MGLL: variants seen among roughly 807,000 people sequenced by gnomAD.
The protein encoded by MGLL is lysophospholipase homolog.
Under a neutral mutation model 29.1 loss-of-function variants are expected in MGLL, and 7 were observed. The observed-to-expected ratio is 0.24, with a 90% CI of 0.14 to 0.45. The LOEUF (loss-of-function observed/expected upper bound fraction) is 0.45. Among genes scored for constraint, MGLL ranks in the 20% least tolerant of loss-of-function variants. The pLI is 0.99. For missense variants in MGLL, 356 were observed against 413.6 expected (o/e 0.86, Z 1.21); for synonymous variants, 148 against 168.3 (o/e 0.88, Z 0.93).
chr3:127,746,710 G>A (rs1045781835), intron 3 of MGLL, among the ~76,000 whole-genome samples: 4 of 152,076 alleles, frequency 2.6e-5, no homozygotes, highest in African/African-American at 9.7e-5. Flanking sequence ...AGGCATGCAC[G>A]CCATCCTTCT....
intron 3 of MGLL, among the ~76,000 whole-genome samples, chr3:127,750,514 C>T (rs1039454738): frequency 6.6e-6 from 1 of 152,020 alleles, no homozygotes; most frequent in African/African-American, 2.4e-5. Flanking sequence ...TGGAGGAAAC[C>T]GAGAAAGCCC....
intron 3 of MGLL, among the ~76,000 whole-genome samples, chr3:127,760,587 C>T (rs2076746526): frequency 6.6e-6 from 1 of 152,208 alleles, no homozygotes; most frequent in Non-Finnish European, 1.5e-5. Flanking sequence ...GACTGCGCGT[C>T]GCAAGCTATT....
At chr3:127,712,617 C>A (rs1268869717) in intron 5 of MGLL, 1 of 152,298 alleles carries the variant, frequency 6.6e-6, no homozygotes, top group East Asian at 1.9e-4. Flanking sequence ...CTGCAGCCGC[C>A]ACTGTGCCAG....
intron 3 of MGLL, among the ~76,000 whole-genome samples, chr3:127,752,086 G>T (rs1034739319): frequency 6.7e-6 from 1 of 150,128 alleles, no homozygotes; most frequent in Non-Finnish European, 1.5e-5. Context: ...TCACACTCAT[G>T]TCTCAGCTCT....
intron 2 of MGLL, among the ~76,000 whole-genome samples, chr3:127,803,271 C>T (rs888274411): frequency 1.3e-5 from 2 of 152,040 alleles, no homozygotes; most frequent in African/African-American, 4.8e-5. Flanking sequence ...TGAGCCACCA[C>T]ACCTGGCACA....
intron 3 of MGLL, among the ~76,000 whole-genome samples, chr3:127,754,317 C>G (rs890732062): frequency 8.5e-5 from 13 of 152,054 alleles, no homozygotes; most frequent in African/African-American, 3.1e-4. Context: ...GGGAATCAGT[C>G]CTGCTGTCAC....
In MGLL at chr3:127,761,697, C is replaced by T. The variant is rs780571912; in HGVS notation, c.262+20092G>A. On this transcript the variant is annotated intron_variant, in intron 3 of 7. Transcript: ENST00000265052. This position sits in a 1 kb window ranked among gnomAD's most constrained non-coding sequence, Gnocchi z 4.6. Reference sequence around the variant, plus strand: ...GGGCTGGCGCACAGCCGGCCGTGGGCAGAGCTGGACTGCCACGCAGGCTGC... The same window carrying T: ...GGGCTGGCGCACAGCCGGCCGTGGGTAGAGCTGGACTGCCACGCAGGCTGC... Among the ~76,000 whole-genome samples the T allele has an allele frequency of 1.4e-4, 21 of 152,218 alleles. No individual in the cohort carries two copies. The highest frequency in any genetic ancestry group is 2.8e-4 in the Non-Finnish European group (19 of 68,044).
chr3:127,707,757 A>G (rs368472407), intron 6 of MGLL, among the ~76,000 whole-genome samples: 3 of 152,176 alleles, frequency 2.0e-5, no homozygotes, highest in Admixed American at 2.0e-4. Context: ...GAGACAATAA[A>G]AAGTCCTCTT....
intron 3 of MGLL, among the ~76,000 whole-genome samples, chr3:127,739,022 C>T (rs947952374): frequency 2.0e-5 from 3 of 152,196 alleles, no homozygotes; most frequent in Non-Finnish European, 4.4e-5. Context: ...ATTCAGGAGG[C>T]ACCAGGTGGA....
At chr3:127,818,359 A>G (rs2107761420) in intron 2 of MGLL, among the ~76,000 whole-genome samples, 1 of 151,916 alleles carries the variant, frequency 6.6e-6, no homozygotes. Flanking sequence ...TGTTTTCAGA[A>G]GGGATACCTA....
chr3:127,783,085 G>A (rs2077155627), intron 2 of MGLL, among the ~76,000 whole-genome samples: 1 of 123,616 alleles, frequency 8.1e-6, no homozygotes, highest in South Asian at 2.8e-4. Flanking sequence ...TGAGATTGCA[G>A]TTGAGCCAAG....
In MGLL at chr3:127,692,222, C is replaced by T. The variant is rs778271140; in HGVS notation, c.918G>A (p.Thr306=). The change falls in exon 8 of 8, where the codon ACG becomes ACA. Residue 306 remains threonine (T), a synonymous_variant. Coordinates refer to ENST00000265052, the MANE Select transcript of MGLL (RefSeq NM_007283.7). ...TTCAGGGTGGGGACGCAGTTCCTGCCGTGGCTGTCCTTTGAGAGACCCACA... is the reference window on the plus strand; with the variant it reads ...TTCAGGGTGGGGACGCAGTTCCTGCTGTGGCTGTCCTTTGAGAGACCCACA... ...INMWVSQRTA[T]AGTASPP 47 of 1,613,676 alleles carry T rather than the reference C, an allele frequency of 2.9e-5. No homozygotes were observed. The highest frequency in any genetic ancestry group is 3.3e-4 in the Middle Eastern group (2 of 6,084).
intron 3 of MGLL, among the ~76,000 whole-genome samples, chr3:127,732,877 C>T (rs1410775656): frequency 6.6e-6 from 1 of 152,154 alleles, no homozygotes. Context: ...ATGACTGGGT[C>T]TCAGGAGGTT....
At chr3:127,821,056 C>A (rs2077850833) in intron 2 of MGLL, among the ~76,000 whole-genome samples, 1 of 152,190 alleles carries the variant, frequency 6.6e-6, no homozygotes, top group South Asian at 2.1e-4. Flanking sequence ...CAAATAAATT[C>A]TTTTTCCAAA....
chr3:127,809,220 T>C (rs917653796), intron 2 of MGLL, among the ~76,000 whole-genome samples: 1 of 152,152 alleles, frequency 6.6e-6, no homozygotes, highest in Non-Finnish European at 1.5e-5. Flanking sequence ...ATCATGGAGC[T>C]AATATCCTCC....
chr3:127,793,109 C>A (rs2077328571), intron 2 of MGLL, among the ~76,000 whole-genome samples: 1 of 152,218 alleles, frequency 6.6e-6, no homozygotes, highest in South Asian at 2.1e-4. Flanking sequence ...CCCTTCCCAG[C>A]TCCAACATGC....
At chr3:127,795,164 T>C (rs1013708262) in intron 2 of MGLL, among the ~76,000 whole-genome samples, 1 of 152,210 alleles carries the variant, frequency 6.6e-6, no homozygotes, top group African/African-American at 2.4e-5. Context: ...GAAAAGGTGG[T>C]ACATATATGC....
intron 3 of MGLL, among the ~76,000 whole-genome samples, chr3:127,730,237 C>A (rs2076124290): frequency 6.6e-6 from 1 of 152,150 alleles, no homozygotes; most frequent in Admixed American, 6.5e-5. Context: ...AATCTCCCTG[C>A]CCAACCCCAG....
chr3:127,742,875 C>T (rs1000557654), intron 3 of MGLL, among the ~76,000 whole-genome samples: 4 of 152,298 alleles, frequency 2.6e-5, no homozygotes, highest in East Asian at 3.9e-4. Flanking sequence ...TGTGCAGTGG[C>T]GGGATCTCGG....
Sources: allele counts gnomAD v4.1 joint callset (sites outside exome capture counted in the v4.1 genomes callset), GRCh38; gene constraint gnomAD v4.1.1; non-coding constraint Gnocchi (gnomAD v3.1); transcripts MANE v1.5; gene names NCBI Gene and HGNC (gene_info 2026-07-23, HGNC 2026-07-21).